IMMP2L: variants seen among roughly 807,000 people sequenced by gnomAD.
IMMP2L encodes inner mitochondrial membrane peptidase subunit 2, also known as mitochondrial inner membrane protease subunit 2.
A neutral mutation model predicts 19.3 loss-of-function variants in IMMP2L; 18 were observed. The ratio of observed to expected loss-of-function variants is 0.93; its 90% confidence interval spans 0.64 to 1.38. The LOEUF is 1.38. Among genes scored for constraint, IMMP2L ranks in the 40% most tolerant of loss-of-function variants. IMMP2L has a pLI of 0.00. For missense variants in IMMP2L, 233 were observed against 218.2 expected, an observed-to-expected ratio of 1.07 and a Z score of -0.43; for synonymous variants, 76 against 73.0, an observed-to-expected ratio of 1.04 and a Z score of -0.21.
intron 3 of IMMP2L, among the ~76,000 whole-genome samples, chr7:111,223,829 T>G (rs1252284931): frequency 6.6e-6 from 1 of 152,118 alleles, no homozygotes; most frequent in African/African-American, 2.4e-5. Context: ...TATCAGGCCT[T>G]CGCTGAGACC....
chr7:111,281,192 A>AG (rs1563004633), intron 3 of IMMP2L, among the ~76,000 whole-genome samples: 1 of 57,420 alleles, frequency 1.7e-5, no homozygotes, highest in African/African-American at 6.8e-5. Context: ...GAAAGAAAGA[A>AG]AGAAAGAAAG....
chr7:110,747,028 A>C (rs1040531558), intron 5 of IMMP2L, among the ~76,000 whole-genome samples: 1 of 152,176 alleles, frequency 6.6e-6, no homozygotes, highest in Non-Finnish European at 1.5e-5. Context: ...AAGAAACAAG[A>C]GAGAAGAATC....
At chr7:111,403,939 C>G (rs565080740) in intron 3 of IMMP2L, among the ~76,000 whole-genome samples, 1 of 152,144 alleles carries the variant, frequency 6.6e-6, no homozygotes, top group South Asian at 2.1e-4. Flanking sequence ...TTTTTCTAAC[C>G]TATATATTAC....
intron 5 of IMMP2L, among the ~76,000 whole-genome samples, chr7:110,793,608 CA>C (rs141406846): frequency 3.3e-5 from 5 of 149,826 alleles, no homozygotes; most frequent in Admixed American, 2.0e-4. Context: ...TTCTCTAGAA[CA>C]AAAAAAAAGT....
At chr7:111,356,681 A>T (rs7455894) in intron 3 of IMMP2L, among the ~76,000 whole-genome samples, 6 of 152,138 alleles carry the variant, frequency 3.9e-5, no homozygotes, top group Admixed American at 1.3e-4. Flanking sequence ...ACTGGTTTTT[A>T]AAAAAAGAAA....
intron 3 of IMMP2L, among the ~76,000 whole-genome samples, chr7:110,988,563 G>A (rs1180323924): frequency 1.3e-5 from 2 of 152,128 alleles, no homozygotes; most frequent in East Asian, 3.9e-4. Flanking sequence ...TTTGCTACAT[G>A]TGTACAGGGA....
intron 3 of IMMP2L, among the ~76,000 whole-genome samples, chr7:111,238,831 C>T (rs76116925): frequency 0.011 from 1,711 of 151,956 alleles, 37 homozygotes; most frequent in African/African-American, 0.038. Context: ...TCAATTTTGC[C>T]ACTTAGTAGT....
chr7:110,976,131 C>A (rs572206912), intron 3 of IMMP2L, among the ~76,000 whole-genome samples: 1 of 151,844 alleles, frequency 6.6e-6, no homozygotes, highest in Admixed American at 6.6e-5. Context: ...TTTAAAAATT[C>A]TCATTTGCTA....
chr7:111,124,038 T>A, intron 3 of IMMP2L: 1 of 1,614,084 alleles, frequency 6.2e-7, no homozygotes, highest in South Asian at 1.1e-5. Flanking sequence ...GTCTCCCTCT[T>A]ATAGCTCCTG....
At chr7:110,805,852 G>A (rs755354136) in intron 5 of IMMP2L, among the ~76,000 whole-genome samples, 5 of 151,982 alleles carry the variant, frequency 3.3e-5, no homozygotes, top group African/African-American at 4.8e-5. Context: ...ACCTAATGAC[G>A]TGGTATAATG....
At chr7:111,373,812 G>A (rs1425735213) in intron 3 of IMMP2L, among the ~76,000 whole-genome samples, 3 of 151,960 alleles carry the variant, frequency 2.0e-5, no homozygotes, top group Non-Finnish European at 4.4e-5. Flanking sequence ...CTGTCCCCAA[G>A]CATGAATGAA....
At chr7:110,795,065 T>G (rs1800769568) in intron 5 of IMMP2L, among the ~76,000 whole-genome samples, 1 of 152,114 alleles carries the variant, frequency 6.6e-6, no homozygotes, top group African/African-American at 2.4e-5. Context: ...GCAGTCAGGG[T>G]GATTTAAGAC....
intron 5 of IMMP2L, among the ~76,000 whole-genome samples, chr7:110,816,368 G>A (rs950704420): frequency 1.4e-4 from 22 of 152,032 alleles, no homozygotes; most frequent in Admixed American, 1.4e-3. Flanking sequence ...CATTTGCTGA[G>A]GAGAGCTTTA....
chr7:111,040,126 G>A (rs1387081788), intron 3 of IMMP2L, among the ~76,000 whole-genome samples: 3 of 152,070 alleles, frequency 2.0e-5, no homozygotes, highest in African/African-American at 4.8e-5. Context: ...CGGAGATTGC[G>A]CCACTGCACT....
chr7:110,835,761 A>T (rs1804393574), intron 5 of IMMP2L, among the ~76,000 whole-genome samples: 2 of 150,370 alleles, frequency 1.3e-5, no homozygotes, highest in Non-Finnish European at 2.9e-5. Context: ...GTTAAATAAC[A>T]GAAGATTAGA....
chr7:110,907,923 G>A (rs548692679), intron 4 of IMMP2L, among the ~76,000 whole-genome samples: 1 of 152,254 alleles, frequency 6.6e-6, no homozygotes, highest in African/African-American at 2.4e-5. Context: ...ACAGGTAGAA[G>A]TAAAGTAGGA....
At chr7:111,330,170 G>A (rs968874515) in intron 3 of IMMP2L, among the ~76,000 whole-genome samples, 1 of 151,364 alleles carries the variant, frequency 6.6e-6, no homozygotes, top group Non-Finnish European at 1.5e-5. Flanking sequence ...AAAGAAAAGA[G>A]AAGAAAAATA....
intron 2 of IMMP2L, among the ~76,000 whole-genome samples, chr7:111,492,778 A>C (rs1019791351): frequency 1.3e-5 from 2 of 152,210 alleles, no homozygotes; most frequent in African/African-American, 4.8e-5. Flanking sequence ...AAGTATTAGA[A>C]TCAACAGTCA....
intron 3 of IMMP2L, among the ~76,000 whole-genome samples, chr7:111,270,420 T>A (rs1188903137): frequency 4.6e-5 from 7 of 152,088 alleles, no homozygotes; most frequent in Non-Finnish European, 5.9e-5. Context: ...GACTGAAGAG[T>A]CTAAATGTAT....
Sources: allele counts gnomAD v4.1 joint callset (sites outside exome capture counted in the v4.1 genomes callset), GRCh38; gene constraint gnomAD v4.1.1; transcripts MANE v1.5; gene names NCBI Gene and HGNC (gene_info 2026-07-23, HGNC 2026-07-21).